NLGN1: variants seen among roughly 807,000 people sequenced by gnomAD.
The protein encoded by NLGN1 is neuroligin-1.
Under a neutral mutation model 65.5 loss-of-function variants are expected in NLGN1, and 12 were observed. The observed-to-expected ratio is 0.18, with a 90% CI of 0.12 to 0.30. The LOEUF is 0.30. Among genes scored for constraint, NLGN1 ranks in the 10% least tolerant of loss-of-function variants. NLGN1 has a pLI of 1.00. For missense variants in NLGN1, 750 were observed against 1,007.1 expected (o/e 0.74, Z 3.46); for synonymous variants, 350 against 359.5 (o/e 0.97, Z 0.30).
chr3:173,918,660 A>ATGTGTGTGTGTGTGTGTG (rs71162369), intron 4 of NLGN1, among the ~76,000 whole-genome samples: 1 of 111,812 alleles, frequency 8.9e-6, no homozygotes, highest in Non-Finnish European at 1.7e-5. Flanking sequence ...AGAAATACAT[A>ATGTGTGTGTGTGTGTGTG]TGTGTGTGTG....
intron 4 of NLGN1, among the ~76,000 whole-genome samples, chr3:173,834,996 G>A (rs1483544238): frequency 6.6e-6 from 1 of 152,184 alleles, no homozygotes; most frequent in East Asian, 1.9e-4. Context: ...GAACTTATGT[G>A]TGCTGCCTAA....
At chr3:173,784,410 A>G (rs1431742654) in intron 3 of NLGN1, among the ~76,000 whole-genome samples, 2 of 152,144 alleles carry the variant, frequency 1.3e-5, no homozygotes, top group Non-Finnish European at 2.9e-5. Flanking sequence ...AGCTTCTTTT[A>G]TCTACCTCCT....
intron 3 of NLGN1, among the ~76,000 whole-genome samples, chr3:173,754,885 A>G (rs1317564905): frequency 6.6e-6 from 1 of 151,990 alleles, no homozygotes; most frequent in African/African-American, 2.4e-5. Context: ...ATTACACTTT[A>G]TTTAATTTAT....
chr3:173,428,605 C>A (rs926955945), intron 1 of NLGN1, among the ~76,000 whole-genome samples: 4 of 151,872 alleles, frequency 2.6e-5, no homozygotes, highest in African/African-American at 9.7e-5. Flanking sequence ...TTATATATTC[C>A]TATCTCTTAA....
In NLGN1 at chr3:173,432,276, T is replaced by C. The variant is rs1577426312; in HGVS notation, c.-389-2734T>C. On this transcript the variant is annotated intron_variant, in intron 1 of 6. Transcript: ENST00000457714. ...TGATGGCTGGATCATCGGGTACGAG[T>C]ATAAGTACTTCTGTAAGAAATTACA... Among the ~76,000 whole-genome samples the C allele has an allele frequency of 3.3e-5, 5 of 152,310 alleles. 1 individual carries two copies. The highest frequency in any genetic ancestry group is 3.3e-4 in the Admixed American group (5 of 15,282).
intron 2 of NLGN1, among the ~76,000 whole-genome samples, chr3:173,582,741 T>G (rs78726109): frequency 0.011 from 1,699 of 152,214 alleles, 38 homozygotes; most frequent in African/African-American, 0.039. Flanking sequence ...ACATTTTGAT[T>G]TATATAATTG....
intron 4 of NLGN1, among the ~76,000 whole-genome samples, chr3:174,114,576 C>G (rs547668871): frequency 6.6e-6 from 1 of 152,212 alleles, no homozygotes; most frequent in South Asian, 2.1e-4. Context: ...TCAAATACAA[C>G]AAAAAGGTAG....
chr3:173,492,757 C>T (rs570755420), intron 2 of NLGN1, among the ~76,000 whole-genome samples: 4 of 151,592 alleles, frequency 2.6e-5, no homozygotes, highest in African/African-American at 9.7e-5. Flanking sequence ...TGGAAGAAAA[C>T]CAAAGAAGGA....
chr3:174,100,041 A>G (rs1489125497), intron 4 of NLGN1, among the ~76,000 whole-genome samples: 1 of 152,094 alleles, frequency 6.6e-6, no homozygotes, highest in African/African-American at 2.4e-5. Flanking sequence ...ATGAAAGTAT[A>G]ATTTAGTTTG....
At chr3:174,091,443 C>A (rs62290262) in intron 4 of NLGN1, among the ~76,000 whole-genome samples, 3,013 of 152,240 alleles carry the variant, frequency 0.02, 51 homozygotes, top group Non-Finnish European at 0.029. Context: ...TCAAACTTTG[C>A]CTGTGGCACA....
At chr3:173,558,890 G>A (rs1425624807) in intron 2 of NLGN1, among the ~76,000 whole-genome samples, 3 of 111,838 alleles carry the variant, frequency 2.7e-5, no homozygotes, top group Admixed American at 2.6e-4. Flanking sequence ...TAAAGGCTTT[G>A]TTTGATTTTT....
chr3:173,879,154 C>A (rs149546148), intron 4 of NLGN1, among the ~76,000 whole-genome samples: 2,197 of 151,900 alleles, frequency 0.014, 60 homozygotes, highest in African/African-American at 0.05. Context: ...ATTGCTTGAA[C>A]CTGGGAGGTG....
intron 3 of NLGN1, among the ~76,000 whole-genome samples, chr3:173,752,929 C>G (rs1046120475): frequency 6.6e-6 from 1 of 152,074 alleles, no homozygotes; most frequent in South Asian, 2.1e-4. Context: ...CCTCCGATAC[C>G]TACCATCTAC....
chr3:173,655,735 G>A (rs1232176045), intron 3 of NLGN1, among the ~76,000 whole-genome samples: 1 of 145,576 alleles, frequency 6.9e-6, no homozygotes. Flanking sequence ...AAAAATTCAT[G>A]TATAATAAGA....
rs571638856 is a variant in NLGN1, at chr3:173,522,067, C to G, written c.-320-82212C>G. Among the ~76,000 whole-genome samples the G allele has an allele frequency of 2.0e-5, 3 of 152,230 alleles. No individual in the cohort carries two copies. The East Asian group carries it at 5.8e-4, about 29-fold the overall frequency. On this transcript the variant is annotated intron_variant, in intron 2 of 6. Transcript: ENST00000457714. ...TCACAGAAAGAATGAACATTGTGTC[C>G]GACAGGTAATTTTCAACTCTCTGCA...
chr3:173,432,638 T>C (rs561590389), intron 1 of NLGN1, among the ~76,000 whole-genome samples: 1 of 152,214 alleles, frequency 6.6e-6, no homozygotes, highest in Non-Finnish European at 1.5e-5. Context: ...TTTTATCAGA[T>C]ATGTCTTTAA....
intron 3 of NLGN1, among the ~76,000 whole-genome samples, chr3:173,641,910 C>T (rs954651442): frequency 6.6e-6 from 1 of 151,826 alleles, no homozygotes; most frequent in African/African-American, 2.4e-5. Flanking sequence ...TGATTATGTG[C>T]AACAGAGACC....
At chr3:173,784,450 C>G (rs1217684067) in intron 3 of NLGN1, among the ~76,000 whole-genome samples, 1 of 152,040 alleles carries the variant, frequency 6.6e-6, no homozygotes, top group Non-Finnish European at 1.5e-5. Context: ...CAGGGACATA[C>G]AGAGGGAAGT....
intron 2 of NLGN1, among the ~76,000 whole-genome samples, chr3:173,549,310 A>G (rs910341745): frequency 8.5e-5 from 13 of 152,064 alleles, no homozygotes; most frequent in Non-Finnish European, 1.2e-4. Flanking sequence ...TACAAGTTCT[A>G]AATATTCTTT....
Sources: allele counts gnomAD v4.1 joint callset (sites outside exome capture counted in the v4.1 genomes callset), GRCh38; gene constraint gnomAD v4.1.1; transcripts MANE v1.5; gene names NCBI Gene and HGNC (gene_info 2026-07-23, HGNC 2026-07-21).